Variants in PAM observed in about 807,000 individuals in gnomAD.
PAM encodes the protein peptidyl-glycine alpha-amidating monooxygenase.
Under a neutral mutation model 122.1 loss-of-function variants are expected in PAM, and 72 were observed. The ratio of observed to expected loss-of-function variants is 0.59; its 90% confidence interval spans 0.49 to 0.72. The LOEUF (loss-of-function observed/expected upper bound fraction) is 0.72. Ranked by LOEUF, PAM falls within the 30% of genes least tolerant of loss-of-function variation. PAM has a pLI of 0.00. For missense variants in PAM, 1,106 were observed against 1,183.7 expected, an observed-to-expected ratio of 0.93 and a Z score of 0.96; for synonymous variants, 389 against 404.4, an observed-to-expected ratio of 0.96 and a Z score of 0.46.
At chr5:102,820,085 T>C (rs1299906911) in intron 1 of PAM, among the ~76,000 whole-genome samples, 1 of 152,034 alleles carries the variant, frequency 6.6e-6, no homozygotes, top group African/African-American at 2.4e-5. Context: ...AATAATTGTG[T>C]TTTTAAAAAA....
chr5:102,801,772 A>ATTTTTTT (rs36068804), intron 1 of PAM, among the ~76,000 whole-genome samples: 17 of 98,972 alleles, frequency 1.7e-4, no homozygotes, highest in East Asian at 6.4e-4. Context: ...GGGAAAAGGT[A>ATTTTTTT]TTTTTTTTTT....
intron 3 of PAM, among the ~76,000 whole-genome samples, chr5:102,869,689 G>C (rs542289496): frequency 2.6e-5 from 4 of 152,260 alleles, no homozygotes; most frequent in African/African-American, 9.6e-5. Context: ...CCAGGAAGAG[G>C]TGGATACAGA....
intron 1 of PAM, among the ~76,000 whole-genome samples, chr5:102,850,441 T>C (rs960743192): frequency 6.6e-6 from 1 of 152,212 alleles, no homozygotes; most frequent in Non-Finnish European, 1.5e-5. Context: ...TAACATTCTT[T>C]TTTCATGTAA....
rs767088116 is a variant in PAM at position 102,779,886 on chromosome 5, CATAT to C, written c.-374+24568_-374+24571del. Among the ~76,000 whole-genome samples the C allele has an allele frequency of 4.1e-3, 332 of 81,032 alleles. 4 individuals are homozygous for C. Among genetic ancestry groups the C allele is most frequent in the South Asian group, 0.014 (29 of 2,116 alleles). The allele number at this position is 81,032 out of a possible 152,430, so 53.2% of individuals were successfully genotyped here. On this transcript the variant is annotated intron_variant, in intron 1 of 25. Transcript: ENST00000438793. ...TTAATACTTAATAAACTCCCATATA[CATAT>C]ATATATATATATATATATATATATA...
At position 102,796,515 on chromosome 5, in the gene PAM, G is replaced by C. The variant is rs150564809; in HGVS notation, c.-374+41167G>C. The stretch of plus-strand genomic sequence containing the variant: ...TCTGGTAGGAGTCATCTTTGCTCTT[G>C]GTAAGATTATAATTCTCTTACCTGT... On this transcript the variant is annotated intron_variant, in intron 1 of 25. Transcript: ENST00000438793. Among the ~76,000 whole-genome samples, 19 of 152,082 alleles carry C rather than the reference G, an allele frequency of 1.2e-4. No individual in the cohort carries two copies. In the East Asian group the frequency reaches 3.7e-3, roughly 29 times the overall value.
intron 8 of PAM, 53 bp from the exon 9 acceptor site, chr5:102,948,325 C>G: frequency 4.1e-6 from 4 of 976,418 alleles, no homozygotes; most frequent in Non-Finnish European, 6.5e-6. Context: ...TTTTCCAAAA[C>G]AGTCATTTTG....
chr5:102,791,270 ATG>A (rs1379003159), intron 1 of PAM, among the ~76,000 whole-genome samples: 6 of 151,996 alleles, frequency 3.9e-5, no homozygotes, highest in African/African-American at 1.4e-4. Context: ...GGATATTTTT[ATG>A]TGTTTGATAC....
At chr5:102,847,623 TTATC>T (rs1187172531) in intron 1 of PAM, among the ~76,000 whole-genome samples, 1 of 152,200 alleles carries the variant, frequency 6.6e-6, no homozygotes, top group African/African-American at 2.4e-5. Flanking sequence ...CTGTGAAAAT[TTATC>T]TACTTGAGTC....
intron 7 of PAM, among the ~76,000 whole-genome samples, chr5:102,929,672 C>A (rs1036308501): frequency 5.3e-5 from 8 of 152,044 alleles, no homozygotes; most frequent in Non-Finnish European, 2.9e-5. Context: ...TTTAATAAAG[C>A]ACCAGAAATG....
At chr5:102,822,382 C>T (rs1027279842) in intron 1 of PAM, among the ~76,000 whole-genome samples, 13 of 152,094 alleles carry the variant, frequency 8.5e-5, no homozygotes, top group South Asian at 2.1e-4. Flanking sequence ...GCCATCCCAC[C>T]GACGAGCACA....
intron 4 of PAM, among the ~76,000 whole-genome samples, chr5:102,912,957 T>C (rs1801878617): frequency 6.6e-6 from 1 of 152,088 alleles, no homozygotes; most frequent in South Asian, 2.1e-4. Flanking sequence ...TATAGTTTGG[T>C]GTAGAACATT....
chr5:102,770,800 G>A (rs1755542520), intron 1 of PAM, among the ~76,000 whole-genome samples: 1 of 151,906 alleles, frequency 6.6e-6, no homozygotes, highest in African/African-American at 2.4e-5. Flanking sequence ...TTGGCCTATA[G>A]TTTTCTTTTT....
At chr5:103,015,400 G>C (rs1224078661) in intron 21 of PAM, among the ~76,000 whole-genome samples, 1 of 152,134 alleles carries the variant, frequency 6.6e-6, no homozygotes, top group Non-Finnish European at 1.5e-5. Context: ...CCAGATGCCT[G>C]GTGAAGATAT....
intron 14 of PAM, among the ~76,000 whole-genome samples, chr5:102,970,669 G>A (rs904541920): frequency 2.6e-5 from 4 of 152,104 alleles, no homozygotes; most frequent in Admixed American, 1.3e-4. Flanking sequence ...CCAAAGATAC[G>A]CTAAAAGAGA....
At chr5:102,874,426 T>C (rs1356047428) in intron 3 of PAM, among the ~76,000 whole-genome samples, 3 of 152,198 alleles carry the variant, frequency 2.0e-5, no homozygotes, top group Non-Finnish European at 4.4e-5. Context: ...CTGAAACTTA[T>C]TTAACGTTCT....
chr5:102,989,293 C>T (rs191371545), intron 15 of PAM, among the ~76,000 whole-genome samples: 2 of 152,224 alleles, frequency 1.3e-5, no homozygotes, highest in African/African-American at 4.8e-5. Flanking sequence ...CACTTGAGCC[C>T]AGGAATTGGA....
chr5:102,908,030 G>A (rs1375155619), intron 4 of PAM, among the ~76,000 whole-genome samples: 1 of 151,988 alleles, frequency 6.6e-6, no homozygotes. Flanking sequence ...TGGTGTTTTG[G>A]ACATGAAGTC....
intron 1 of PAM, among the ~76,000 whole-genome samples, chr5:102,811,401 AG>A (rs1391651097): frequency 6.6e-6 from 1 of 152,138 alleles, no homozygotes; most frequent in African/African-American, 2.4e-5. Context: ...CCATCTTTAC[AG>A]CTTGCAAGTA....
rs555007898 is a variant in PAM, at chr5:102,810,729, G to T, written c.-373-55094G>T. On this transcript the variant is annotated intron_variant, in intron 1 of 25. Transcript: ENST00000438793. ...TGTAATCCCAGCTACTCAGGAGGCT[G>T]AGGCATGAGAATTGCTTGAACCTGG... Among the ~76,000 whole-genome samples, 3 of 152,300 alleles carry T rather than the reference G, an allele frequency of 2.0e-5. No homozygotes were observed. The South Asian group carries it at 6.2e-4, about 32-fold the overall frequency.
Sources: gnomAD v4.1 joint callset for allele counts (sites outside exome capture counted in the v4.1 genomes callset) on GRCh38, gnomAD v4.1.1 for gene constraint, MANE v1.5 for transcripts, NCBI Gene and HGNC (gene_info 2026-07-23, HGNC 2026-07-21) for gene names.